The following BRD4 variants were observed in gnomAD, a reference collection of about 807,000 sequenced individuals.
BRD4 encodes bromodomain-containing protein 4.
A neutral mutation model predicts 142.1 loss-of-function variants in BRD4; 16 were observed. That is an observed-to-expected ratio of 0.11 (90% CI 0.08 to 0.17). The LOEUF is 0.17. Among genes scored for constraint, BRD4 ranks in the 10% least tolerant of loss-of-function variants. The probability of loss-of-function intolerance (pLI) is 1.00; values close to 1 mark genes in which losing one functional copy is unlikely to be tolerated. For synonymous variants in BRD4, 833 were observed against 707.5 expected (o/e 1.18, Z -2.82); for missense variants, 1,424 against 1,810.9 (o/e 0.79, Z 3.88).
At chr19:15,281,226 C>G (rs575425405) in intron 1 of BRD4, among the ~76,000 whole-genome samples, 28 of 152,298 alleles carry the variant, frequency 1.8e-4, no homozygotes, top group African/African-American at 4.3e-4. Context: ...CCCTGCCCCC[C>G]ACCCCTTGGA....
intron 11 of BRD4, among the ~76,000 whole-genome samples, chr19:15,245,665 A>G (rs1427124050): frequency 6.6e-6 from 1 of 152,140 alleles, no homozygotes; most frequent in Non-Finnish European, 1.5e-5. Context: ...TCCCCTCACC[A>G]AACATGGATG....
chr19:15,240,953 T>G (rs2047233498), intron 14 of BRD4, among the ~76,000 whole-genome samples: 1 of 152,326 alleles, frequency 6.6e-6, no homozygotes, highest in South Asian at 2.1e-4. Flanking sequence ...ACAGGCACCC[T>G]TGGGTTCTCC....
intron 1 of BRD4, among the ~76,000 whole-genome samples, chr19:15,302,302 G>A (rs1279511667): frequency 1.3e-5 from 2 of 152,226 alleles, no homozygotes; most frequent in African/African-American, 4.8e-5. Flanking sequence ...TGCAGGGAAG[G>A]CAGACAGACC....
At chr19:15,279,690 G>C (rs1213728079) in intron 1 of BRD4, among the ~76,000 whole-genome samples, 1 of 152,194 alleles carries the variant, frequency 6.6e-6, no homozygotes, top group Admixed American at 6.5e-5. Context: ...AAAAGAGAAA[G>C]ACCACAAACA....
rs1191027910 is a variant in BRD4 at position 15,239,070 on chromosome 19, C to G, written c.3771G>C (p.Gln1257His). 1.3e-6 allele frequency: 2 copies of G among 1,595,364 alleles called. No individual in the cohort carries two copies. Among genetic ancestry groups the G allele is most frequent in the Non-Finnish European group, 1.7e-6 (2 of 1,174,924 alleles). ...AGACACCCGCCCACCTCATGCGCTCCTGCCGCAGCCGCTCCTTCTCCTTCT... is the reference window on the plus strand; with the variant it reads ...AGACACCCGCCCACCTCATGCGCTCGTGCCGCAGCCGCTCCTTCTCCTTCT... ...HAEKEKERLR[Q>H]ERMRSREDED... Residue 1257 changes from glutamine to histidine, a missense_variant, in exon 18 of 20, where the codon CAG becomes CAC. This residue lies in a region of BRD4 where 109 missense variants were observed against 117.9 expected (regional missense o/e 0.92). Coordinates refer to ENST00000679869, the MANE Select transcript of BRD4 (RefSeq NM_001379291.1). This position sits in a 1 kb window ranked among gnomAD's most constrained non-coding sequence, Gnocchi z 7.4.
chr19:15,276,673 G>A (rs988415760), intron 1 of BRD4, among the ~76,000 whole-genome samples: 1 of 152,088 alleles, frequency 6.6e-6, no homozygotes, highest in Non-Finnish European at 1.5e-5. Flanking sequence ...TGTCATCCTG[G>A]GGCTTCCAGC....
chr19:15,264,956 G>A (rs1054618624), intron 5 of BRD4, among the ~76,000 whole-genome samples, 190 bp from the exon 6 acceptor site: 1 of 152,250 alleles, frequency 6.6e-6, no homozygotes, highest in African/African-American at 2.4e-5. Flanking sequence ...CTGCAGCTGG[G>A]ACAGGACCTG....
intron 1 of BRD4, among the ~76,000 whole-genome samples, chr19:15,317,157 C>A (rs2048024211): frequency 6.6e-6 from 1 of 152,230 alleles, no homozygotes; most frequent in South Asian, 2.1e-4. Flanking sequence ...CCCTGCAACC[C>A]TGCCCAAGTG....
At chr19:15,330,531 CGAG>C (rs2048148000) in intron 1 of BRD4, among the ~76,000 whole-genome samples, 1 of 152,128 alleles carries the variant, frequency 6.6e-6, no homozygotes. Context: ...TTTGGGAAGC[CGAG>C]GAGGATGGAA....
In BRD4 at chr19:15,250,589, C is replaced by G. The variant is rs1303617026; in HGVS notation, c.2158+3563G>C. Among the ~76,000 whole-genome samples, 3 of 152,232 alleles carry G rather than the reference C, an allele frequency of 2.0e-5. No individual in the cohort carries two copies. The East Asian group carries it at 5.8e-4, about 29-fold the overall frequency. ...AAATAGCTGGACTGCGCTCCCGTTC[C>G]AACTAGACGACCAGACCAAAGCCCA... On this transcript the variant is annotated intron_variant, in intron 11 of 19. Transcript: ENST00000679869.
intron 14 of BRD4, 49 bp from the exon 15 acceptor site, chr19:15,240,071 G>A (rs781247410): frequency 1.9e-6 from 3 of 1,554,364 alleles, no homozygotes; most frequent in East Asian, 2.3e-5. Flanking sequence ...TAGAACTGCT[G>A]GCCCTGAGAG....
chr19:15,268,065 A>G (rs2047553163), intron 3 of BRD4: 1 of 153,120 alleles, frequency 6.5e-6, no homozygotes, highest in African/African-American at 2.4e-5. Context: ...ACTCAGTTCT[A>G]AACTGAGAGC....
chr19:15,257,114 G>C lies in BRD4; in HGVS notation c.1401C>G (p.Ala467=), dbSNP rs774896276. The C allele has an allele frequency of 6.2e-7, 1 of 1,609,084 alleles. No individual in the cohort carries two copies. Among genetic ancestry groups the C allele is most frequent in the Admixed American group, 1.7e-5 (1 of 59,884 alleles). The part of the protein sequence containing the change: ...MPDEPEEPVV[A]VSSPAVPPPT... ...GAGGGGGCACTGCCGGGGAGGACAC[G>C]GCCACCACTGGCTCCTCAGGCTCGT... is the stretch of plus-strand genomic sequence containing the variant. Residue 467 remains alanine, a synonymous_variant, in exon 8 of 20, where the codon GCC becomes GCG. Coordinates refer to ENST00000679869, the MANE Select transcript of BRD4 (RefSeq NM_001379291.1).
chr19:15,305,247 TAGTC>T (rs1236259051), intron 1 of BRD4, among the ~76,000 whole-genome samples: 1 of 152,136 alleles, frequency 6.6e-6, no homozygotes, highest in Non-Finnish European at 1.5e-5. Flanking sequence ...TTCTCCATGT[TAGTC>T]AGGCTGGTCT....
At chr19:15,301,535 C>G (rs2047867456) in intron 1 of BRD4, among the ~76,000 whole-genome samples, 1 of 149,146 alleles carries the variant, frequency 6.7e-6, no homozygotes, top group African/African-American at 2.5e-5. Context: ...TGCACTCCAG[C>G]CTGGGCGACA....
rs192568335 is a variant in BRD4, at chr19:15,241,412, G to A, written c.3170-1390C>T. On this transcript the variant is annotated intron_variant, in intron 14 of 19. Coordinates refer to ENST00000679869, the MANE Select transcript of BRD4 (RefSeq NM_001379291.1). The stretch of plus-strand genomic sequence containing the variant: ...AGAGGATGGCTCACGGATGACTCCT[G>A]AAAGCTGGCTGGGGGCCCAGGGATG... 1.1e-4 allele frequency among the ~76,000 whole-genome samples: 16 copies of A among 152,362 alleles called. No homozygotes were observed. In the East Asian group the frequency reaches 2.5e-3, roughly 24 times the overall value.
At chr19:15,278,430 G>C (rs754913449) in intron 1 of BRD4, among the ~76,000 whole-genome samples, 1 of 151,176 alleles carries the variant, frequency 6.6e-6, no homozygotes, top group Non-Finnish European at 1.5e-5. Flanking sequence ...AGCTACTCCA[G>C]AGGCTGAGAC....
intron 1 of BRD4, among the ~76,000 whole-genome samples, chr19:15,328,555 C>A (rs2048129421): frequency 6.6e-6 from 1 of 152,200 alleles, no homozygotes; most frequent in Admixed American, 6.5e-5. Context: ...ACTCACATTC[C>A]TTGTAAGTCA....
chr19:15,302,442 C>T (rs746337375), intron 1 of BRD4, among the ~76,000 whole-genome samples: 5 of 151,104 alleles, frequency 3.3e-5, no homozygotes, highest in East Asian at 1.9e-4. Context: ...CGGCCACGCA[C>T]GGTGGCTCAC....
Sources: allele counts gnomAD v4.1 joint callset (sites outside exome capture counted in the v4.1 genomes callset), GRCh38; gene constraint gnomAD v4.1.1; regional missense constraint gnomAD v4.1.1; non-coding constraint Gnocchi (gnomAD v3.1); transcripts MANE v1.5; gene names NCBI Gene and HGNC (gene_info 2026-07-23, HGNC 2026-07-21).